MED24: variants seen among roughly 807,000 people sequenced by gnomAD.
MED24 encodes mediator of RNA polymerase II transcription subunit 24.
In MED24, 74 loss-of-function variants were observed where a neutral mutation model predicts 118.8. The observed-to-expected ratio is 0.62, with a 90% CI of 0.52 to 0.76. The LOEUF (loss-of-function observed/expected upper bound fraction) is 0.76, where lower values mean the gene tolerates loss of function less well. Among genes scored for constraint, MED24 ranks in the 30% least tolerant of loss-of-function variants. MED24 has a pLI of 0.00. For synonymous variants in MED24, 521 were observed against 523.9 expected (o/e 0.99, Z 0.08); for missense variants, 1,041 against 1,278.9 (o/e 0.81, Z 2.84).
In MED24 at chr17:40,035,242, C is replaced by T. The variant is rs771286442; in HGVS notation, c.434G>A (p.Gly145Glu). The T allele has an allele frequency of 6.2e-7, 1 of 1,613,918 alleles. No individual in the cohort carries two copies. The highest frequency in any genetic ancestry group is 1.1e-5 in the South Asian group (1 of 91,082). ...AGCGGCTGGAGTGCCGGCCTCCAGC[C>T]CCTCCCGCAGCCGCTCTGCAGAGGC... The part of the protein sequence containing the change: ...TAASAERLRE[G>E]LEAGTPAAGE... Residue 145 changes from glycine to glutamate, a missense_variant, in exon 6 of 26, where the codon GGG (glycine) becomes GAG (glutamate). Gly to Glu is a moderately conservative substitution (Grantham distance 98, BLOSUM62 -2). Coordinates refer to ENST00000394128, the MANE Select transcript of MED24 (RefSeq NM_014815.4).
At chr17:40,036,830 TG>T (rs1275431158) in intron 3 of MED24, among the ~76,000 whole-genome samples, 2 of 152,046 alleles carry the variant, frequency 1.3e-5, no homozygotes, top group Admixed American at 6.6e-5. Flanking sequence ...GAGGTTTTAA[TG>T]GGTAAGAACT....
chr17:40,037,658 TC>T (rs1296728323), intron 3 of MED24, among the ~76,000 whole-genome samples: 1 of 152,156 alleles, frequency 6.6e-6, no homozygotes, highest in African/African-American at 2.4e-5. Flanking sequence ...ACGCCTGTAA[TC>T]CCAGCACTTT....
At chr17:40,020,102 G>A in intron 24 of MED24, 169 bp from the exon 25 acceptor site, 3 of 795,558 alleles carry the variant, frequency 3.8e-6, no homozygotes, top group Admixed American at 2.3e-5. Flanking sequence ...AGGGGAGGAG[G>A]GGGAACTAGA....
chr17:40,023,518 AC>A, intron 19 of MED24, 123 bp from the exon 20 acceptor site: 1 of 1,023,186 alleles, frequency 9.8e-7, no homozygotes, highest in Non-Finnish European at 1.4e-6. Flanking sequence ...TGAGGCATTA[AC>A]CCAGTTTTGC....
In MED24 at chr17:40,033,540, T is replaced by C. The variant is rs11078934; in HGVS notation, c.560-84A>G. The C allele has an allele frequency of 0.63, 711,434 of 1,128,022 alleles. 226,450 individuals are homozygous for C. The highest frequency in any genetic ancestry group is 0.74 in the South Asian group (55,947 of 75,472). 69.9% of individuals were successfully genotyped at this position (1,128,022 alleles called of 1,614,324 possible). On this transcript the variant is annotated intron_variant, in intron 6 of 25. Coordinates refer to ENST00000394128, the MANE Select transcript of MED24 (RefSeq NM_014815.4). The surrounding 1 kb of genome is among the most constrained non-coding windows in gnomAD (Gnocchi z 5.2). ...GCCCTGAACTCCTCGATTTTGGCACTCCCTCCGGCACACGAAACCACACAG... is the reference window on the plus strand; with the variant it reads ...GCCCTGAACTCCTCGATTTTGGCACCCCCTCCGGCACACGAAACCACACAG...
At chr17:40,027,810 T>TC in intron 15 of MED24, 99 bp downstream of exon 15, 7 of 1,300,640 alleles carry the variant, frequency 5.4e-6, no homozygotes, top group Non-Finnish European at 7.7e-6. Flanking sequence ...GAGCACAGCC[T>TC]CCCCCTGTTG....
Position 40,035,159 on chromosome 17 carries a change from TG to T in MED24, c.516del (p.Lys173ArgfsTer11). ...GCGATGTGCAGCAGGGCCCGGTTCT[TG>T]GTGCTGCTGAGGGTTTTCTCCAGGC... ...LQRLEKTLSS[T>X]KNRALLHIAK... is the part of the protein sequence containing the mutation. On this transcript the variant is annotated frameshift_variant, in exon 6 of 26. Coordinates refer to ENST00000394128, the MANE Select transcript of MED24 (RefSeq NM_014815.4). LOFTEE classifies it high-confidence loss of function. 1 of 1,614,100 alleles carries T rather than the reference TG, an allele frequency of 6.2e-7. No individual in the cohort carries two copies. Among genetic ancestry groups the T allele is most frequent in the Non-Finnish European group, 8.5e-7 (1 of 1,180,016 alleles).
At chr17:40,054,322 T>C (rs1986127059) in intron 1 of MED24, 39 bp downstream of exon 1, 1 of 152,688 alleles carries the variant, frequency 6.5e-6, no homozygotes, top group Non-Finnish European at 1.5e-5. Flanking sequence ...TACCTCCCAA[T>C]TTCCTTTTCA....
chr17:40,024,350 A>G (rs554053397), intron 19 of MED24, among the ~76,000 whole-genome samples: 24 of 152,198 alleles, frequency 1.6e-4, no homozygotes, highest in Middle Eastern at 3.4e-3. Context: ...CCTGGCCAAC[A>G]TGGTGAAACC....
chr17:40,038,199 T>C (rs1984165950), intron 3 of MED24, among the ~76,000 whole-genome samples: 1 of 145,100 alleles, frequency 6.9e-6, no homozygotes, highest in South Asian at 2.3e-4. Context: ...ATTGAATTTA[T>C]ATCTGTTTCT....
rs762229957 is a variant in MED24 at position 40,053,515 on chromosome 17, C to A, written c.84G>T (p.Lys28Asn). Residue 28 changes from lysine (K) to asparagine (N), a missense_variant, in exon 2 of 26, where the codon AAG (lysine) becomes AAT (asparagine). By Grantham distance (94) the Lys-to-Asn change is moderately conservative (BLOSUM62 0). Around this residue, in one of 3 missense-constraint regions of MED24, gnomAD observed 434 missense variants for 514.9 expected, o/e 0.84. Transcript: ENST00000394128. ...WSDYQWAINM[K>N]KFFPKGATWD... ...AGGTGGCTCCTTTAGGAAAGAATTT[C>A]TTCATGTTGATTGCCCATTGGTAGT... 6 of 1,614,222 alleles carry A rather than the reference C, an allele frequency of 3.7e-6. No homozygotes were observed. The African/African-American group carries it at 5.3e-5, about 14-fold the overall frequency.
In MED24 at chr17:40,053,493, T is replaced by A. The variant is rs1468570865; in HGVS notation, c.106A>T (p.Thr36Ser). 3.1e-6 allele frequency: 5 copies of A among 1,614,100 alleles called. No homozygotes were observed. Among genetic ancestry groups the A allele is most frequent in the Non-Finnish European group, 4.2e-6 (5 of 1,180,044 alleles). Residue 36 changes from threonine to serine, a missense_variant, in exon 2 of 26, where the codon ACC (threonine) becomes TCC (serine). Thr to Ser is a moderately conservative substitution (Grantham distance 58, BLOSUM62 1). This residue lies in a region of MED24 where 434 missense variants were observed against 514.9 expected (regional missense o/e 0.84). Coordinates refer to ENST00000394128, the MANE Select transcript of MED24 (RefSeq NM_014815.4). The stretch of plus-strand genomic sequence containing the variant: ...CCTGCCAGGTTGAGAATATCCCAGG[T>A]GGCTCCTTTAGGAAAGAATTTCTTC... ...NMKKFFPKGA[T>S]WDILNLADAL...
chr17:40,046,898 T>C (rs1384135005), intron 3 of MED24, among the ~76,000 whole-genome samples: 1 of 151,806 alleles, frequency 6.6e-6, no homozygotes, highest in East Asian at 1.9e-4. Context: ...CCTACAAAAA[T>C]GTAAAAATTA....
intron 9 of MED24, 137 bp downstream of exon 9, chr17:40,032,512 T>C (rs1485506005): frequency 1.5e-6 from 1 of 654,798 alleles, no homozygotes; most frequent in Non-Finnish European, 2.7e-6. Context: ...AAATGATCAA[T>C]GGGAACTTGC....
At chr17:40,048,790 G>C (rs1985513747) in intron 3 of MED24, among the ~76,000 whole-genome samples, 1 of 152,070 alleles carries the variant, frequency 6.6e-6, no homozygotes, top group African/African-American at 2.4e-5. Context: ...CCTGACCTCA[G>C]ATGATCCACC....
intron 19 of MED24, 80 bp from the exon 20 acceptor site, chr17:40,023,475 C>T (rs1439793143): frequency 7.3e-7 from 1 of 1,374,322 alleles, no homozygotes; most frequent in Non-Finnish European, 9.9e-7. Context: ...CCATGCCAGA[C>T]TTTCCCTTGG....
At position 40,027,834 on chromosome 17, in the gene MED24, T is replaced by G; in HGVS notation, c.1447+75A>C. On this transcript the variant is annotated intron_variant, in intron 15 of 25. Coordinates refer to ENST00000394128, the MANE Select transcript of MED24 (RefSeq NM_014815.4). ...CTCCCCCTGTTGAGCTGGGGAGCCC[T>G]CCTCCCTCCCACACTCTCCCGCCAC... is the stretch of plus-strand genomic sequence containing the variant. The G allele has an allele frequency of 2.7e-6, 4 of 1,507,794 alleles. No individual in the cohort carries two copies. In the East Asian group the frequency reaches 9.0e-5, roughly 34 times the overall value. 93.4% of individuals were successfully genotyped at this position (1,507,794 alleles called of 1,614,324 possible). A position where few individuals can be genotyped will look rare whatever the true frequency, so the allele number is the denominator to read the frequency against.
rs112461384 is a variant in MED24, at chr17:40,020,354, C to G, written c.2624-1G>C. The stretch of plus-strand genomic sequence containing the variant: ...AGGGAGCTGCTCATGGATCGGTCTG[C>G]TGTGGGACGGAGCAGATGGAGCGCT... On this transcript the variant is annotated splice_acceptor_variant, in intron 23 of 25. Coordinates refer to ENST00000394128, the MANE Select transcript of MED24 (RefSeq NM_014815.4). LOFTEE classifies it high-confidence loss of function. The G allele has an allele frequency of 1.3e-6, 2 of 1,595,068 alleles. No homozygotes were observed. The highest frequency in any genetic ancestry group is 1.7e-6 in the Non-Finnish European group (2 of 1,170,752).
chr17:40,020,177 A>T, intron 24 of MED24, 96 bp downstream of exon 24: 2 of 1,255,280 alleles, frequency 1.6e-6, no homozygotes, highest in Non-Finnish European at 2.2e-6. Flanking sequence ...GGGGCACCGC[A>T]AGGCCCCTTC....
Sources: allele counts gnomAD v4.1 joint callset (sites outside exome capture counted in the v4.1 genomes callset), GRCh38; gene constraint gnomAD v4.1.1; regional missense constraint gnomAD v4.1.1; non-coding constraint Gnocchi (gnomAD v3.1); transcripts MANE v1.5; gene names NCBI Gene and HGNC (gene_info 2026-07-23, HGNC 2026-07-21).